Variants in SNX14 observed in about 807,000 individuals in gnomAD.
The protein encoded by SNX14 is sorting nexin-14.
SNX14 carries 93 observed loss-of-function variants against 133.8 expected under a neutral mutation model. That is an observed-to-expected ratio of 0.70 (90% CI 0.59 to 0.83). The LOEUF (loss-of-function observed/expected upper bound fraction) is 0.83. Ranked by LOEUF, SNX14 falls within the 40% of genes least tolerant of loss-of-function variation. The pLI is 0.00. For missense variants in SNX14, 945 were observed against 1,094.9 expected (o/e 0.86, Z 1.93); for synonymous variants, 368 against 365.6 (o/e 1.01, Z -0.07).
Position 85,528,282 on chromosome 6 carries a change from C to T in SNX14, c.1975G>A (p.Glu659Lys), listed in dbSNP as rs1352785810. 6.2e-7 allele frequency: 1 copy of T among 1,612,506 alleles called. No homozygotes were observed. The highest frequency in any genetic ancestry group is 1.1e-5 in the South Asian group (1 of 90,912). The stretch of plus-strand genomic sequence containing the variant: ...TATACCTGTAGATATTCTTGGAACT[C>T]TTCCCTCTTTGACTTTAAGAATTCA... ...NYEFLKSKRE[E>K]FQEYLQKLLQ... The change falls in exon 20 of 29, where the codon GAG (glutamate) becomes AAG (lysine). Residue 659 changes from glutamate (E) to lysine (K), a missense_variant. This residue lies in a region of SNX14 where 412 missense variants were observed against 516.6 expected (regional missense o/e 0.80). Coordinates refer to ENST00000314673, the MANE Select transcript of SNX14 (RefSeq NM_153816.6).
chr6:85,582,596 A>G (rs1031585619), intron 1 of SNX14, among the ~76,000 whole-genome samples: 2 of 152,298 alleles, frequency 1.3e-5, no homozygotes, highest in African/African-American at 2.4e-5. Context: ...TAAAGGGGAT[A>G]TCATCACTGA....
chr6:85,568,960 T>G (rs967833351), intron 4 of SNX14, among the ~76,000 whole-genome samples: 1 of 151,982 alleles, frequency 6.6e-6, no homozygotes, highest in African/African-American at 2.4e-5. Flanking sequence ...GTAGTGCTTT[T>G]CTTTTCTTTT....
chr6:85,577,036 G>A (rs1254295593), intron 1 of SNX14, among the ~76,000 whole-genome samples: 1 of 152,144 alleles, frequency 6.6e-6, no homozygotes, highest in Non-Finnish European at 1.5e-5. Context: ...CTAAACTAGG[G>A]AAGAGACTTA....
intron 6 of SNX14, 41 bp downstream of exon 6, chr6:85,565,291 T>A (rs367786056): frequency 7.7e-7 from 1 of 1,295,410 alleles, no homozygotes; most frequent in African/African-American, 1.5e-5. Context: ...CATTAAATGA[T>A]AAAGCCCCAA....
chr6:85,556,733 A>G (rs550797432), intron 7 of SNX14, among the ~76,000 whole-genome samples: 329 of 152,248 alleles, frequency 2.2e-3, no homozygotes, highest in Non-Finnish European at 3.5e-3. Context: ...GATTACAGGC[A>G]TGAGCCACCA....
chr6:85,572,438 A>T, intron 2 of SNX14, 64 bp from the exon 3 acceptor site: 1 of 1,286,752 alleles, frequency 7.8e-7, no homozygotes, highest in South Asian at 1.3e-5. Context: ...TATTTAAAAG[A>T]ATCAACTTTT....
At position 85,533,730 on chromosome 6, in the gene SNX14, C is replaced by T. The variant is rs551115576; in HGVS notation, c.1679G>A (p.Arg560Gln). Reference sequence around the variant, plus strand: ...GCTAATTTTCCATGCAGCAAGGTTTCGGGGAGTATTAGGTGTGCTCACAGC... The same window carrying T: ...GCTAATTTTCCATGCAGCAAGGTTTTGGGGAGTATTAGGTGTGCTCACAGC... The part of the protein sequence containing the change: ...VEAVSTPNTP[R>Q]NLAAWKISIP... The change falls in exon 18 of 29, where the codon CGA becomes CAA. Residue 560 changes from arginine to glutamine, a missense_variant. This residue lies in a region of SNX14 where 412 missense variants were observed against 516.6 expected (regional missense o/e 0.80). Transcript: ENST00000314673. 2.5e-6 allele frequency: 4 copies of T among 1,613,876 alleles called. No homozygotes were observed. Among genetic ancestry groups the T allele is most frequent in the East Asian group, 2.2e-5 (1 of 44,860 alleles).
At chr6:85,538,922 T>A in intron 15 of SNX14, 58 bp from the exon 16 acceptor site, 1 of 1,398,444 alleles carries the variant, frequency 7.2e-7, no homozygotes, top group Non-Finnish European at 9.7e-7. Flanking sequence ...AGCCCAGATA[T>A]TATATAAACT....
intron 17 of SNX14, among the ~76,000 whole-genome samples, chr6:85,534,414 G>A (rs965692611): frequency 6.6e-6 from 1 of 152,082 alleles, no homozygotes; most frequent in African/African-American, 2.4e-5. Context: ...AAGGTCCCAC[G>A]GCTTAGAACT....
chr6:85,561,033 TA>T (rs75735977), intron 6 of SNX14, among the ~76,000 whole-genome samples: 446 of 97,780 alleles, frequency 4.6e-3, no homozygotes, highest in Middle Eastern at 7.1e-3. Flanking sequence ...GACTCCATCT[TA>T]AAAAAAAAAA....
chr6:85,565,120 T>C (rs1024570210), intron 6 of SNX14, among the ~76,000 whole-genome samples: 4 of 150,600 alleles, frequency 2.7e-5, no homozygotes, highest in African/African-American at 9.8e-5. Flanking sequence ...CTGAGTATAT[T>C]TGGATTGTTT....
At chr6:85,508,158 T>C in intron 26 of SNX14, 99 bp from the exon 27 acceptor site, 1 of 1,473,636 alleles carries the variant, frequency 6.8e-7, no homozygotes, top group South Asian at 1.4e-5. Context: ...TCCCAGATAC[T>C]AGGCAAAAAC....
chr6:85,509,199 A>C (rs576834793), intron 26 of SNX14, among the ~76,000 whole-genome samples: 2 of 152,170 alleles, frequency 1.3e-5, no homozygotes, highest in South Asian at 2.1e-4. Flanking sequence ...GGGAGTCTTA[A>C]AGTGAATGTG....
intron 26 of SNX14, among the ~76,000 whole-genome samples, chr6:85,511,704 G>A (rs1772879391): frequency 6.6e-6 from 1 of 152,152 alleles, no homozygotes; most frequent in Non-Finnish European, 1.5e-5. Flanking sequence ...TACCTTAATT[G>A]ACTTTTGAAT....
chr6:85,587,963 A>G (rs1157362528), intron 1 of SNX14, among the ~76,000 whole-genome samples: 1 of 152,074 alleles, frequency 6.6e-6, no homozygotes, highest in Non-Finnish European at 1.5e-5. Context: ...GCAGGGGAGG[A>G]GCGGGGGGCA....
At chr6:85,572,440 T>A in intron 2 of SNX14, 66 bp from the exon 3 acceptor site, 1 of 1,266,870 alleles carries the variant, frequency 7.9e-7, no homozygotes, top group Non-Finnish European at 1.1e-6. Context: ...TTTAAAAGAA[T>A]CAACTTTTCA....
At chr6:85,511,396 CTCTT>C (rs947427499) in intron 26 of SNX14, among the ~76,000 whole-genome samples, 1 of 152,166 alleles carries the variant, frequency 6.6e-6, no homozygotes, top group African/African-American at 2.4e-5. Context: ...AATCACTATG[CTCTT>C]TATTTCCTTT....
At chr6:85,551,445 C>T (rs1787812702) in intron 7 of SNX14, among the ~76,000 whole-genome samples, 3 of 152,186 alleles carry the variant, frequency 2.0e-5, no homozygotes, top group Admixed American at 2.0e-4. Context: ...CTCACCTAAA[C>T]CAACCAATAT....
chr6:85,517,616 C>CGGTA (rs1775481460), intron 23 of SNX14, 140 bp downstream of exon 23: 1 of 973,710 alleles, frequency 1.0e-6, no homozygotes. Context: ...CTCTGTATAC[C>CGGTA]GTTCAACTGA....
Sources: allele counts gnomAD v4.1 joint callset (sites outside exome capture counted in the v4.1 genomes callset), GRCh38; gene constraint gnomAD v4.1.1; regional missense constraint gnomAD v4.1.1; transcripts MANE v1.5; gene names NCBI Gene and HGNC (gene_info 2026-07-23, HGNC 2026-07-21).